Variants in PDE10A observed in about 807,000 individuals in gnomAD.
The protein encoded by PDE10A is phosphodiesterase 10A.
A neutral mutation model predicts 97.7 loss-of-function variants in PDE10A; 39 were observed. The ratio of observed to expected loss-of-function variants is 0.40; its 90% confidence interval spans 0.31 to 0.52. PDE10A has a LOEUF of 0.52. Ranked by LOEUF, PDE10A falls within the 20% of genes least tolerant of loss-of-function variation. The pLI is 0.56. For missense variants in PDE10A, 731 were observed against 1,047.8 expected, an observed-to-expected ratio of 0.70 and a Z score of 4.17; for synonymous variants, 371 against 376.8, an observed-to-expected ratio of 0.98 and a Z score of 0.18.
At chr6:165,344,058 T>C (rs374588036) in intron 18 of PDE10A, among the ~76,000 whole-genome samples, 1 of 152,178 alleles carries the variant, frequency 6.6e-6, no homozygotes, top group African/African-American at 2.4e-5. Flanking sequence ...CTCCAAACAC[T>C]GTGCTTCTCA....
intron 16 of PDE10A, 40 bp downstream of exon 16, chr6:165,392,606 C>T (rs781491381): frequency 6.3e-7 from 1 of 1,582,232 alleles, no homozygotes; most frequent in Non-Finnish European, 8.7e-7. Flanking sequence ...ATTAAATCCA[C>T]TGAGGTTACG....
intron 1 of PDE10A, among the ~76,000 whole-genome samples, chr6:165,649,457 C>T (rs533276640): frequency 2.6e-5 from 4 of 151,936 alleles, no homozygotes; most frequent in Non-Finnish European, 5.9e-5. Flanking sequence ...AGGGCAAACA[C>T]GGGAATCTAA....
intron 1 of PDE10A, among the ~76,000 whole-genome samples, chr6:165,707,900 T>C (rs1358978906): frequency 7.9e-5 from 12 of 152,094 alleles, no homozygotes; most frequent in Non-Finnish European, 1.5e-5. Context: ...GGGGCAGAGT[T>C]TGCTCTTTAA....
intron 17 of PDE10A, among the ~76,000 whole-genome samples, chr6:165,381,186 A>G (rs1223784785): frequency 1.3e-5 from 2 of 152,222 alleles, no homozygotes; most frequent in Non-Finnish European, 2.9e-5. Flanking sequence ...TAGGGGGACA[A>G]AAGAGTTATA....
chr6:165,633,793 A>AT (rs1788744949), intron 1 of PDE10A, among the ~76,000 whole-genome samples: 1 of 50,624 alleles, frequency 2.0e-5, no homozygotes, highest in Non-Finnish European at 4.8e-5. Context: ...ACGCCGGGCT[A>AT]ATTTTTTTTT....
intron 1 of PDE10A, among the ~76,000 whole-genome samples, chr6:165,617,440 T>G (rs1583651808): frequency 6.6e-6 from 1 of 152,054 alleles, no homozygotes; most frequent in Non-Finnish European, 1.5e-5. Flanking sequence ...ACCTCCCAGG[T>G]TCAAGCGATT....
At chr6:165,557,878 G>A (rs954480395) in intron 1 of PDE10A, among the ~76,000 whole-genome samples, 2 of 152,296 alleles carry the variant, frequency 1.3e-5, no homozygotes. Flanking sequence ...CATGCTGCAA[G>A]GTCGATAAGG....
chr6:165,403,071 T>C (rs1786794689), intron 13 of PDE10A, among the ~76,000 whole-genome samples: 1 of 152,190 alleles, frequency 6.6e-6, no homozygotes, highest in African/African-American at 2.4e-5. Flanking sequence ...CCCCAGGATC[T>C]CATCTGTAGC....
At chr6:165,561,474 C>T (rs922298472) in intron 1 of PDE10A, among the ~76,000 whole-genome samples, 1 of 152,136 alleles carries the variant, frequency 6.6e-6, no homozygotes, top group African/African-American at 2.4e-5. Flanking sequence ...CAAAACTGAA[C>T]TGTAAAATCA....
chr6:165,801,022 T>C (rs961300139), intron 1 of PDE10A, among the ~76,000 whole-genome samples: 4 of 152,180 alleles, frequency 2.6e-5, no homozygotes, highest in Admixed American at 6.5e-5. Flanking sequence ...AGGCGTTCAT[T>C]CTTAGTAGTC....
At chr6:165,416,978 C>A (rs1468359158) in intron 11 of PDE10A, among the ~76,000 whole-genome samples, 16 of 151,226 alleles carry the variant, frequency 1.1e-4, no homozygotes, top group Admixed American at 1.1e-3. Context: ...CATTACTATA[C>A]CATCATCACA....
intron 1 of PDE10A, among the ~76,000 whole-genome samples, chr6:165,843,551 C>T (rs74442293): frequency 0.022 from 3,313 of 152,296 alleles, 55 homozygotes; most frequent in South Asian, 0.082. Flanking sequence ...CTGCTGGCTG[C>T]GTCCTCAATG....
At chr6:165,672,077 T>C (rs562208113) in intron 1 of PDE10A, among the ~76,000 whole-genome samples, 7 of 152,318 alleles carry the variant, frequency 4.6e-5, no homozygotes, top group Admixed American at 3.9e-4. Context: ...GACAGATCAA[T>C]ATAGATACTC....
chr6:165,963,858 G>T (rs1020793279), intron 1 of PDE10A, among the ~76,000 whole-genome samples: 2 of 152,092 alleles, frequency 1.3e-5, no homozygotes, highest in Non-Finnish European at 2.9e-5. Context: ...CCTGGCTTGG[G>T]CCAGGCAGCC....
At chr6:165,723,065 G>C (rs1251265114) in intron 1 of PDE10A, among the ~76,000 whole-genome samples, 1 of 152,052 alleles carries the variant, frequency 6.6e-6, no homozygotes, top group Non-Finnish European at 1.5e-5. Flanking sequence ...GAGCCTCACA[G>C]AACACAGGGA....
chr6:165,407,294 G>A (rs375979128), intron 13 of PDE10A, among the ~76,000 whole-genome samples: 4 of 152,098 alleles, frequency 2.6e-5, no homozygotes, highest in African/African-American at 7.2e-5. Flanking sequence ...TAGCGAGCAC[G>A]GGGACCAGTC....
intron 16 of PDE10A, among the ~76,000 whole-genome samples, chr6:165,391,385 A>AT (rs1288507217): frequency 2.0e-5 from 3 of 152,120 alleles, no homozygotes; most frequent in Non-Finnish European, 4.4e-5. Context: ...TAAATTTTCA[A>AT]TTTTTTTGAA....
chr6:165,813,450 TTA>T, intron 1 of PDE10A, among the ~76,000 whole-genome samples: 1 of 115,084 alleles, frequency 8.7e-6, no homozygotes, highest in Non-Finnish European at 2.0e-5. Flanking sequence ...CCTAGTGACT[TTA>T]TGACCAAATC....
At chr6:165,891,481 A>C (rs1781793703) in intron 1 of PDE10A, among the ~76,000 whole-genome samples, 1 of 152,126 alleles carries the variant, frequency 6.6e-6, no homozygotes, top group African/African-American at 2.4e-5. Flanking sequence ...CCAGCCCCTC[A>C]GCGTCCTGGA....
Sources: gnomAD v4.1 joint callset for allele counts (sites outside exome capture counted in the v4.1 genomes callset) on GRCh38, gnomAD v4.1.1 for gene constraint, MANE v1.5 for transcripts, NCBI Gene and HGNC (gene_info 2026-07-23, HGNC 2026-07-21) for gene names.